The following PDE4D variants were observed in gnomAD, a reference collection of about 807,000 sequenced individuals.
The protein encoded by PDE4D is phosphodiesterase 4D.
A neutral mutation model predicts 87.4 loss-of-function variants in PDE4D; 24 were observed. The observed-to-expected ratio is 0.27, with a 90% CI of 0.20 to 0.39. The LOEUF (loss-of-function observed/expected upper bound fraction) is 0.39, where lower values mean the gene tolerates loss of function less well. Ranked by LOEUF, PDE4D falls within the 10% of genes least tolerant of loss-of-function variation. PDE4D has a pLI of 1.00. For synonymous variants in PDE4D, 384 were observed against 383.2 expected (o/e 1.00, Z -0.02); for missense variants, 714 against 1,041.0 (o/e 0.69, Z 4.32).
At chr5:59,947,916 A>C (rs1376241413) in intron 3 of PDE4D, among the ~76,000 whole-genome samples, 1 of 152,184 alleles carries the variant, frequency 6.6e-6, no homozygotes, top group Non-Finnish European at 1.5e-5. Context: ...CTGAGGCAGG[A>C]GAATCACTTG....
chr5:59,065,057 G>GAT (rs149103045), intron 5 of PDE4D, among the ~76,000 whole-genome samples: 3,085 of 22,780 alleles, frequency 0.14, 78 homozygotes, highest in Middle Eastern at 0.2. Context: ...AAGGAAATGT[G>GAT]ATATATATAT....
intron 2 of PDE4D, among the ~76,000 whole-genome samples, chr5:60,136,099 T>A (rs964870657): frequency 2.6e-5 from 4 of 152,172 alleles, no homozygotes; most frequent in Non-Finnish European, 4.4e-5. Context: ...TTTCAATTAA[T>A]GTTGATTTTC....
At chr5:59,090,213 T>C (rs1229671828) in intron 5 of PDE4D, among the ~76,000 whole-genome samples, 1 of 152,092 alleles carries the variant, frequency 6.6e-6, no homozygotes, top group South Asian at 2.1e-4. Flanking sequence ...TATCTTTCTT[T>C]TGAAAAACAA....
At chr5:60,442,444 G>T (rs1330173537) in intron 1 of PDE4D, among the ~76,000 whole-genome samples, 1 of 152,002 alleles carries the variant, frequency 6.6e-6, no homozygotes, top group African/African-American at 2.4e-5. Context: ...CTGTCAGGGG[G>T]TGGGGGGACT....
intron 1 of PDE4D, among the ~76,000 whole-genome samples, chr5:60,495,789 T>G (rs1359511036): frequency 6.6e-6 from 1 of 152,220 alleles, no homozygotes; most frequent in Admixed American, 6.5e-5. Flanking sequence ...TGAGCCCTAA[T>G]TATCCCCTAT....
At chr5:59,855,030 A>G (rs1745223858) in intron 1 of PDE4D, among the ~76,000 whole-genome samples, 1 of 152,086 alleles carries the variant, frequency 6.6e-6, no homozygotes, top group Non-Finnish European at 1.5e-5. Flanking sequence ...GAGCCTGGCA[A>G]ATTTGAGTGT....
intron 1 of PDE4D, among the ~76,000 whole-genome samples, chr5:60,317,831 G>C (rs915250396): frequency 6.6e-6 from 1 of 152,012 alleles, no homozygotes; most frequent in African/African-American, 2.4e-5. Flanking sequence ...GTTCTGATTT[G>C]ATTGCACTGT....
chr5:59,284,294 C>G (rs1180971439), intron 1 of PDE4D, among the ~76,000 whole-genome samples: 2 of 152,112 alleles, frequency 1.3e-5, no homozygotes, highest in Non-Finnish European at 2.9e-5. Flanking sequence ...AAGCCACTAA[C>G]TAGGAACTCC....
At chr5:59,958,917 C>A (rs188602189) in intron 3 of PDE4D, among the ~76,000 whole-genome samples, 5 of 152,192 alleles carry the variant, frequency 3.3e-5, no homozygotes, top group African/African-American at 1.2e-4. Context: ...TCTTTGCTGA[C>A]GATGTGATCC....
Position 59,725,068 on chromosome 5 carries a change from T to TCTCTC in PDE4D, c.455+168095_455+168099dup, listed in dbSNP as rs756400721. Among the ~76,000 whole-genome samples the TCTCTC allele has an allele frequency of 3.9e-5, 6 of 152,216 alleles. No individual in the cohort carries two copies. The South Asian group carries it at 1.0e-3, about 26-fold the overall frequency. On this transcript the variant is annotated intron_variant, in intron 1 of 14. Coordinates refer to ENST00000340635, the MANE Select transcript of PDE4D (RefSeq NM_001104631.2). ...TTTAATTGGACCTTAAGACTGACTATCTCTCCAAGATTCTTTCCTCTTCTC... is the reference window on the plus strand; with the variant it reads ...TTTAATTGGACCTTAAGACTGACTATCTCTCCTCTCCAAGATTCTTTCCTCTTCTC...
At chr5:59,089,570 A>C (rs1444265594) in intron 5 of PDE4D, among the ~76,000 whole-genome samples, 1 of 152,154 alleles carries the variant, frequency 6.6e-6, no homozygotes, top group Non-Finnish European at 1.5e-5. Flanking sequence ...AGGCACAGAG[A>C]ACCTCAAGTA....
chr5:59,010,186 G>A (rs536637989), intron 6 of PDE4D, among the ~76,000 whole-genome samples: 1 of 152,232 alleles, frequency 6.6e-6, no homozygotes, highest in East Asian at 1.9e-4. Context: ...AATTAGCAGG[G>A]TGTGGTGGTG....
At chr5:59,384,232 T>C (rs1786508474) in intron 1 of PDE4D, among the ~76,000 whole-genome samples, 1 of 152,130 alleles carries the variant, frequency 6.6e-6, no homozygotes, top group Non-Finnish European at 1.5e-5. Flanking sequence ...TAACAATTAT[T>C]ATGAGAGAAA....
intron 2 of PDE4D, among the ~76,000 whole-genome samples, chr5:60,046,320 A>T (rs1489084341): frequency 6.6e-6 from 1 of 152,174 alleles, no homozygotes; most frequent in Non-Finnish European, 1.5e-5. Context: ...AAACAGGGAC[A>T]ATTTGACTTC....
In PDE4D at chr5:59,488,163, AG is replaced by A. The variant is rs1225892239; in HGVS notation, c.456-272196del. ...AGATAAATCTTCTGACATCATCAAG[AG>A]CCAAAAAAAAAAAAAAAAAAAAAAT... On this transcript the variant is annotated intron_variant, in intron 1 of 14. Coordinates refer to ENST00000340635, the MANE Select transcript of PDE4D (RefSeq NM_001104631.2). 3.6e-5 allele frequency among the ~76,000 whole-genome samples: 4 copies of A among 111,538 alleles called. No homozygotes were observed. The South Asian group carries it at 1.1e-3, about 30-fold the overall frequency. The allele number at this position is 111,538 out of a possible 152,430, so 73.2% of individuals were successfully genotyped here.
chr5:59,869,206 C>T (rs1747465818), intron 1 of PDE4D, among the ~76,000 whole-genome samples: 1 of 152,180 alleles, frequency 6.6e-6, no homozygotes, highest in Admixed American at 6.5e-5. Context: ...CTGAGAGTCC[C>T]TAACAGGGCC....
At chr5:59,967,837 G>A (rs1007583152) in intron 3 of PDE4D, among the ~76,000 whole-genome samples, 1 of 152,066 alleles carries the variant, frequency 6.6e-6, no homozygotes, top group African/African-American at 2.4e-5. Context: ...CAAAGATGTG[G>A]AATCAACCCA....
At chr5:60,166,495 T>C (rs929357624) in intron 2 of PDE4D, among the ~76,000 whole-genome samples, 1 of 152,242 alleles carries the variant, frequency 6.6e-6, no homozygotes, top group African/African-American at 2.4e-5. Context: ...ATACTGCATG[T>C]CCTGTAACAA....
In PDE4D at chr5:60,122,517, G is replaced by A. The variant is rs551771068; in HGVS notation, c.42+63040C>T. Among the ~76,000 whole-genome samples the A allele has an allele frequency of 5.9e-5, 9 of 152,354 alleles. No individual in the cohort carries two copies. The East Asian group carries it at 1.7e-3, about 29-fold the overall frequency. On this transcript the variant is annotated intron_variant, in intron 2 of 16. Transcript: ENST00000502484. ...CCAAGGCTTAGGGCTGCTGCCCTCT[G>A]AAGCCATAGCACGAGCTGTACTTTG...
Sources: gnomAD v4.1 joint callset for allele counts (sites outside exome capture counted in the v4.1 genomes callset) on GRCh38, gnomAD v4.1.1 for gene constraint, MANE v1.5 for transcripts, NCBI Gene and HGNC (gene_info 2026-07-23, HGNC 2026-07-21) for gene names.